FGF14: variants seen among roughly 807,000 people sequenced by gnomAD.
FGF14 encodes the protein fibroblast growth factor 14.
FGF14 carries 5 observed loss-of-function variants against 25.5 expected under a neutral mutation model. That is an observed-to-expected ratio of 0.20 (90% CI 0.10 to 0.41). FGF14 has a LOEUF of 0.41. Among genes scored for constraint, FGF14 ranks in the 10% least tolerant of loss-of-function variants. The probability of loss-of-function intolerance (pLI) is 1.00; values close to 1 mark genes in which losing one functional copy is unlikely to be tolerated. For missense variants in FGF14, 222 were observed against 320.1 expected (o/e 0.69, Z 2.34); for synonymous variants, 138 against 118.3 (o/e 1.17, Z -1.08).
intron 1 of FGF14, among the ~76,000 whole-genome samples, chr13:102,393,363 GTTTT>G (rs1357822023): frequency 6.6e-6 from 1 of 152,032 alleles, no homozygotes; most frequent in Non-Finnish European, 1.5e-5. Flanking sequence ...ACTAAGTTTT[GTTTT>G]TTGTTTTTTT....
intron 1 of FGF14, among the ~76,000 whole-genome samples, chr13:102,276,332 CGT>C (rs35937411): frequency 2.3e-3 from 245 of 108,442 alleles, no homozygotes; most frequent in African/African-American, 6.3e-3. Context: ...CACACACGTA[CGT>C]GTGTGTGTGT....
intron 3 of FGF14, among the ~76,000 whole-genome samples, chr13:101,832,681 C>T (rs1260357170): frequency 3.3e-5 from 5 of 151,930 alleles, no homozygotes; most frequent in Admixed American, 6.6e-5. Flanking sequence ...CTCCCTACCC[C>T]GCTTTCATGT....
At chr13:101,763,847 T>C (rs141936084) in intron 3 of FGF14, among the ~76,000 whole-genome samples, 6,815 of 152,002 alleles carry the variant, frequency 0.045, 221 homozygotes, top group Middle Eastern at 0.095. Flanking sequence ...GCAACAAGAA[T>C]GAAACTCTGT....
At chr13:101,887,345 T>C (rs138894329) in intron 1 of FGF14, among the ~76,000 whole-genome samples, 5,804 of 150,052 alleles carry the variant, frequency 0.039, 129 homozygotes, top group Middle Eastern at 0.063. Context: ...TATATATATA[T>C]ACACACACAC....
chr13:102,121,057 A>G (rs970503392), intron 1 of FGF14, among the ~76,000 whole-genome samples: 4 of 152,156 alleles, frequency 2.6e-5, no homozygotes, highest in African/African-American at 9.7e-5. Context: ...CACACTTTCC[A>G]AGGTACTCAG....
chr13:102,299,547 A>C (rs1458866002), intron 1 of FGF14, among the ~76,000 whole-genome samples: 3 of 151,500 alleles, frequency 2.0e-5, no homozygotes, highest in Non-Finnish European at 2.9e-5. Flanking sequence ...AAAATCAAAC[A>C]GGAGTAGAAC....
At position 101,867,924 on chromosome 13, in the gene FGF14, ACACACACACACG is replaced by A. The variant is rs1409597841; in HGVS notation, c.408+789_408+800del. Reference sequence around the variant, plus strand: ...CACACACACACACACACACACACACACACACACACACGCGCACACACACAATATGTGTATATT... The same window carrying A: ...CACACACACACACACACACACACACACGCACACACACAATATGTGTATATT... On this transcript the variant is annotated intron_variant, in intron 3 of 4. Coordinates refer to ENST00000376143, the MANE Select transcript of FGF14 (RefSeq NM_004115.4). Among the ~76,000 whole-genome samples, 300 of 149,202 alleles carry A rather than the reference ACACACACACACG, an allele frequency of 2.0e-3. 4 individuals are homozygous for A. The East Asian group carries it at 0.045, about 23-fold the overall frequency.
chr13:101,884,062 CAAAAA>C (rs11315735), intron 1 of FGF14, among the ~76,000 whole-genome samples: 17 of 37,832 alleles, frequency 4.5e-4, no homozygotes, highest in Admixed American at 1.2e-3. Context: ...GACTCCATCT[CAAAAA>C]AAAAAAAAAA....
chr13:102,031,888 A>G (rs16959638), intron 1 of FGF14, among the ~76,000 whole-genome samples: 5,303 of 152,200 alleles, frequency 0.035, 313 homozygotes, highest in African/African-American at 0.12. Flanking sequence ...TGGTGATGAG[A>G]TTTCTTTTCA....
intron 1 of FGF14, among the ~76,000 whole-genome samples, chr13:102,021,374 T>G (rs57023625): frequency 0.022 from 3,410 of 151,880 alleles, 120 homozygotes; most frequent in African/African-American, 0.076. Context: ...GGGAGTGAAG[T>G]TCAAGGTGGA....
At chr13:102,101,939 G>A (rs1219769991) in intron 1 of FGF14, among the ~76,000 whole-genome samples, 1 of 152,132 alleles carries the variant, frequency 6.6e-6, no homozygotes, top group Non-Finnish European at 1.5e-5. Context: ...CTGACCTCAG[G>A]TGATCCACCT....
chr13:101,873,622 T>C (rs2045232943), intron 2 of FGF14, among the ~76,000 whole-genome samples: 1 of 152,132 alleles, frequency 6.6e-6, no homozygotes, highest in Admixed American at 6.6e-5. Flanking sequence ...AAGGAAATGG[T>C]TTTTGTCAAC....
At chr13:101,968,239 T>C (rs755029222) in intron 1 of FGF14, among the ~76,000 whole-genome samples, 10 of 152,226 alleles carry the variant, frequency 6.6e-5, no homozygotes, top group Admixed American at 3.3e-4. Context: ...GTAATGGCTA[T>C]GCCTAATTTA....
intron 1 of FGF14, among the ~76,000 whole-genome samples, chr13:102,026,410 T>C (rs1247743608): frequency 1.3e-5 from 2 of 151,648 alleles, no homozygotes; most frequent in Non-Finnish European, 2.9e-5. Context: ...TATTTCCTTG[T>C]AATATACTTT....
At chr13:102,158,684 T>C (rs534873101) in intron 1 of FGF14, among the ~76,000 whole-genome samples, 2 of 152,012 alleles carry the variant, frequency 1.3e-5, no homozygotes, top group South Asian at 2.1e-4. Flanking sequence ...AAAAAAAATC[T>C]TTGAACTGAT....
intron 1 of FGF14, among the ~76,000 whole-genome samples, chr13:102,330,833 C>T (rs1304860533): frequency 2.0e-5 from 3 of 152,154 alleles, no homozygotes; most frequent in African/African-American, 7.2e-5. Context: ...CTATCTGTCT[C>T]CCCTCTACAA....
intron 1 of FGF14, among the ~76,000 whole-genome samples, chr13:101,908,938 A>G (rs2032581535): frequency 6.6e-6 from 1 of 152,204 alleles, no homozygotes; most frequent in Middle Eastern, 3.2e-3. Flanking sequence ...ATAATGCCAC[A>G]TATCCACAAC....
chr13:102,070,826 A>G (rs1463074810), intron 1 of FGF14, among the ~76,000 whole-genome samples: 2 of 152,198 alleles, frequency 1.3e-5, no homozygotes, highest in African/African-American at 4.8e-5. Flanking sequence ...CTGTAGTACA[A>G]AGACCTATTT....
intron 1 of FGF14, among the ~76,000 whole-genome samples, chr13:102,315,179 C>T (rs1175798013): frequency 2.0e-5 from 3 of 151,876 alleles, no homozygotes; most frequent in Middle Eastern, 3.2e-3. Context: ...CCTAATAAAT[C>T]GGTCAAAGAA....
Sources: gnomAD v4.1 joint callset for allele counts (sites outside exome capture counted in the v4.1 genomes callset) on GRCh38, gnomAD v4.1.1 for gene constraint, MANE v1.5 for transcripts, NCBI Gene and HGNC (gene_info 2026-07-23, HGNC 2026-07-21) for gene names.